The following FANCC variants were observed in gnomAD, a reference collection of about 807,000 sequenced individuals.
FANCC encodes the protein Fanconi anemia group C protein.
In FANCC, 55 loss-of-function variants were observed where a neutral mutation model predicts 71.3. The ratio of observed to expected loss-of-function variants is 0.77; its 90% CI spans 0.62 to 0.97. FANCC has a LOEUF of 0.97. FANCC is among the 50% of genes least tolerant of loss of function. The probability of loss-of-function intolerance (pLI) is 0.00; values close to 1 mark genes in which losing one functional copy is unlikely to be tolerated. For missense variants in FANCC, 678 were observed against 670.9 expected (o/e 1.01, Z -0.12); for synonymous variants, 275 against 244.9 (o/e 1.12, Z -1.15).
rs994591694 is a variant in FANCC, at chr9:95,126,401, A to G, written c.896+128T>C. On this transcript the variant is annotated intron_variant, in intron 9 of 14. Transcript: ENST00000289081. ...TCTAATTACCAAAAAGCTCAGAGGAACAGGAGGGAATCAGAAACTCTAATT... is the reference window on the plus strand; with the variant it reads ...TCTAATTACCAAAAAGCTCAGAGGAGCAGGAGGGAATCAGAAACTCTAATT... 5 of 914,104 alleles carry G rather than the reference A, an allele frequency of 5.5e-6. No homozygotes were observed. In the Admixed American group the frequency reaches 8.0e-5, roughly 15 times the overall value. 56.6% of individuals were successfully genotyped at this position (914,104 alleles called of 1,614,324 possible). A position where few individuals can be genotyped will look rare whatever the true frequency, so the allele number is the denominator to read the frequency against.
chr9:95,184,632 T>C (rs892967516), intron 4 of FANCC, among the ~76,000 whole-genome samples: 20 of 152,332 alleles, frequency 1.3e-4, no homozygotes, highest in African/African-American at 4.8e-4. Flanking sequence ...AGAAACTCAA[T>C]GCAGTACCAG....
At chr9:95,223,157 G>A (rs758619492) in intron 4 of FANCC, among the ~76,000 whole-genome samples, 1 of 152,172 alleles carries the variant, frequency 6.6e-6, no homozygotes, top group Non-Finnish European at 1.5e-5. Flanking sequence ...TAGTTTGCTA[G>A]AGCTGCTGTG....
At chr9:95,309,741 A>T (rs910123943) in intron 1 of FANCC, among the ~76,000 whole-genome samples, 8 of 152,152 alleles carry the variant, frequency 5.3e-5, no homozygotes, top group Admixed American at 3.3e-4. Context: ...CTTTTTTCTG[A>T]TACTATATGT....
At chr9:95,247,210 CGCGTGTGTGT>C (rs1344769568) in intron 3 of FANCC, among the ~76,000 whole-genome samples, 9 of 123,554 alleles carry the variant, frequency 7.3e-5, no homozygotes, top group Non-Finnish European at 1.2e-4. Context: ...GGTGCGTGCA[CGCGTGTGTGT>C]GTGTGTGTGT....
chr9:95,284,087 C>A (rs530776860), intron 1 of FANCC, among the ~76,000 whole-genome samples: 58 of 152,312 alleles, frequency 3.8e-4, no homozygotes, highest in Admixed American at 1.2e-3. Context: ...TATTGTATTT[C>A]TAAGTAGAAA....
chr9:95,114,520 T>C, intron 12 of FANCC, 109 bp downstream of exon 12: 1 of 979,216 alleles, frequency 1.0e-6, no homozygotes, highest in East Asian at 2.4e-5. Flanking sequence ...TGTTTGGTGA[T>C]GGTCCCAGAC....
rs1333818480 is a variant in FANCC, at chr9:95,178,742, T to A, written c.346-6595A>T. 2.0e-5 allele frequency among the ~76,000 whole-genome samples: 3 copies of A among 152,270 alleles called. 1 individual carries two copies. Among genetic ancestry groups the A allele is most frequent in the African/African-American group, 4.8e-5 (2 of 41,468 alleles). ...ACAGCACCCAATACAAGTATGTATGTTTAAGCTGAATAACAATGTCATATA... is the reference window on the plus strand; with the variant it reads ...ACAGCACCCAATACAAGTATGTATGATTAAGCTGAATAACAATGTCATATA... On this transcript the variant is annotated intron_variant, in intron 4 of 14. Transcript: ENST00000289081.
At chr9:95,278,514 T>C (rs1288676357) in intron 1 of FANCC, among the ~76,000 whole-genome samples, 1 of 152,150 alleles carries the variant, frequency 6.6e-6, no homozygotes, top group Non-Finnish European at 1.5e-5. Flanking sequence ...CAACAGAACA[T>C]ACATTCTTCT....
At chr9:95,167,594 C>T (rs1825383901) in intron 6 of FANCC, among the ~76,000 whole-genome samples, 1 of 152,162 alleles carries the variant, frequency 6.6e-6, no homozygotes, top group African/African-American at 2.4e-5. Flanking sequence ...TACTGCTGAA[C>T]CCCTCTAGTA....
chr9:95,235,354 T>C (rs1028629322), intron 4 of FANCC, among the ~76,000 whole-genome samples: 1 of 152,000 alleles, frequency 6.6e-6, no homozygotes, highest in African/African-American at 2.4e-5. Flanking sequence ...GCACCACAGA[T>C]CATGATTTTC....
intron 6 of FANCC, among the ~76,000 whole-genome samples, chr9:95,158,105 T>C (rs1020342948): frequency 5.9e-5 from 9 of 152,156 alleles, no homozygotes; most frequent in Admixed American, 2.0e-4. Context: ...CACAGGCAAC[T>C]CTCCGGCCTA....
intron 11 of FANCC, 95 bp downstream of exon 11, chr9:95,117,220 C>T (rs2072490953): frequency 1.9e-6 from 2 of 1,068,738 alleles, no homozygotes; most frequent in African/African-American, 1.6e-5. Flanking sequence ...CTGTCTCCCT[C>T]ATGCTGTAGA....
intron 1 of FANCC, among the ~76,000 whole-genome samples, chr9:95,305,848 TA>T: frequency 6.6e-6 from 1 of 152,326 alleles, no homozygotes; most frequent in East Asian, 1.9e-4. Flanking sequence ...TTGGTGGCAT[TA>T]ATATTAATGA....
chr9:95,126,537 C>T lies in FANCC; in HGVS notation c.888G>A (p.Glu296=), dbSNP rs779166059. Residue 296 remains glutamate, a synonymous_variant, in exon 9 of 15, where the codon GAG becomes GAA. Coordinates refer to ENST00000289081, the MANE Select transcript of FANCC (RefSeq NM_000136.3). ...CHPAIFRVVD[E]MFRCALLETD... ...AACAGTGTAACGTTTACCTGAACAT[C>T]TCATCAACAACCCGGAATATGGCAG... The T allele has an allele frequency of 1.2e-6, 2 of 1,614,022 alleles. No homozygotes were observed. The highest frequency in any genetic ancestry group is 1.7e-6 in the Non-Finnish European group (2 of 1,179,924).
At chr9:95,266,075 G>C (rs1832368187) in intron 1 of FANCC, among the ~76,000 whole-genome samples, 1 of 152,170 alleles carries the variant, frequency 6.6e-6, no homozygotes, top group South Asian at 2.1e-4. Context: ...TCAAATGCAA[G>C]GTGCTTGCTG....
At chr9:95,313,819 A>C (rs1467952429) in intron 1 of FANCC, among the ~76,000 whole-genome samples, 1 of 152,232 alleles carries the variant, frequency 6.6e-6, no homozygotes, top group Non-Finnish European at 1.5e-5. Context: ...CAGTTAATAA[A>C]TCATATTGAT....
intron 2 of FANCC, among the ~76,000 whole-genome samples, chr9:95,248,173 G>A (rs1261539421): frequency 1.3e-5 from 2 of 152,010 alleles, no homozygotes; most frequent in East Asian, 1.9e-4. Flanking sequence ...TTGTACAACC[G>A]GACCTTTTTC....
chr9:95,110,485 G>T (rs1653391662), intron 13 of FANCC: 2 of 1,030,516 alleles, frequency 1.9e-6, no homozygotes, highest in African/African-American at 1.7e-5. Context: ...TAATCAGACA[G>T]CAATCCTCAA....
At chr9:95,270,592 G>C (rs1292611216) in intron 1 of FANCC, among the ~76,000 whole-genome samples, 4 of 152,376 alleles carry the variant, frequency 2.6e-5, no homozygotes, top group African/African-American at 9.6e-5. Context: ...AAGGCAAGGA[G>C]CAGGCAGCAG....
Sources: gnomAD v4.1 joint callset for allele counts (sites outside exome capture counted in the v4.1 genomes callset) on GRCh38, gnomAD v4.1.1 for gene constraint, MANE v1.5 for transcripts, NCBI Gene and HGNC (gene_info 2026-07-23, HGNC 2026-07-21) for gene names.